BCL7A: variants seen among roughly 807,000 people sequenced by gnomAD.
BCL7A encodes the protein BAF chromatin remodeling complex subunit BCL7A, also known as B-cell CLL/lymphoma 7 protein family member A.
In BCL7A, 11 loss-of-function variants were observed where a neutral mutation model predicts 28.4. That is an observed-to-expected ratio of 0.39 (90% CI 0.24 to 0.64). The LOEUF (loss-of-function observed/expected upper bound fraction) is 0.64, where lower values mean the gene tolerates loss of function less well. Ranked by LOEUF, BCL7A falls within the 30% of genes least tolerant of loss-of-function variation. The probability of loss-of-function intolerance (pLI) is 0.50; values close to 1 mark genes in which losing one functional copy is unlikely to be tolerated. For missense variants in BCL7A, 222 were observed against 274.8 expected, an observed-to-expected ratio of 0.81 and a Z score of 1.36; for synonymous variants, 123 against 103.3, an observed-to-expected ratio of 1.19 and a Z score of -1.15.
At chr12:122,044,140 G>C in intron 4 of BCL7A, 87 bp downstream of exon 4, 3 of 1,452,300 alleles carry the variant, frequency 2.1e-6, no homozygotes, top group Non-Finnish European at 2.8e-6. Context: ...AGGAGGCCCT[G>C]TCATGTGCCA....
intron 1 of BCL7A, among the ~76,000 whole-genome samples, chr12:122,026,063 A>G (rs1197874298): frequency 6.6e-6 from 1 of 151,586 alleles, no homozygotes; most frequent in Non-Finnish European, 1.5e-5. Context: ...AGGTCAGGAG[A>G]TCGAGACCAT....
chr12:122,025,374 T>A (rs1883600499), intron 1 of BCL7A, among the ~76,000 whole-genome samples: 1 of 151,442 alleles, frequency 6.6e-6, no homozygotes, highest in Admixed American at 6.6e-5. Flanking sequence ...GCCTGTAATT[T>A]CAGCACTCTG....
rs1489507872 is a variant in BCL7A, at chr12:122,022,152, G to A, written c.61G>A (p.Val21Ile). 1 of 1,573,924 alleles carries A rather than the reference G, an allele frequency of 6.4e-7. No homozygotes were observed. Among genetic ancestry groups the A allele is most frequent in the Non-Finnish European group, 8.6e-7 (1 of 1,159,482 alleles). ...CCGGGCCAAAGATGATATCAAGAGG[G>A]TCATGGCGGCGATCGAGAAAGTGCG... ...RSRAKDDIKR[V>I]MAAIEKVRKW... The change falls in exon 1 of 6, where the codon GTC becomes ATC. Residue 21 changes from valine (V) to isoleucine (I), a missense_variant. By Grantham distance (29) the Val-to-Ile change is conservative. Transcript: ENST00000261822.
Position 122,059,895 on chromosome 12 carries a change from C to T in BCL7A, c.*732C>T. 1 of 232,588 alleles carries T rather than the reference C, an allele frequency of 4.3e-6. No homozygotes were observed. Among genetic ancestry groups the T allele is most frequent in the East Asian group, 6.1e-5 (1 of 16,494 alleles). 14.4% of individuals were successfully genotyped at this position (232,588 alleles called of 1,614,324 possible). A position where few individuals can be genotyped will look rare whatever the true frequency, so the allele number is the denominator to read the frequency against. ...AGGCTGGGCACTCGCTGTGCTCTCC[C>T]CTCCTTGGGGCGTTTAGGACTGGGC... On this transcript the variant is annotated 3_prime_UTR_variant, in exon 6 of 6. Transcript: ENST00000261822. This position sits in a 1 kb window ranked among gnomAD's most constrained non-coding sequence, Gnocchi z 4.0.
intron 5 of BCL7A, 69 bp downstream of exon 5, chr12:122,054,995 T>C (rs756445428): frequency 4.3e-6 from 7 of 1,612,626 alleles, no homozygotes; most frequent in South Asian, 1.1e-5. Flanking sequence ...CGGGGGTACG[T>C]TGAAAGGTGT....
rs1340630883 is a variant in BCL7A, at chr12:122,021,959, A to AGTGTGTGTGCGAGT, written c.-126_-125insTGCGAGTGTGTGTG. The AGTGTGTGTGCGAGT allele has an allele frequency of 1.9e-6, 1 of 536,246 alleles. No individual in the cohort carries two copies. Among genetic ancestry groups the AGTGTGTGTGCGAGT allele is most frequent in the Non-Finnish European group, 3.2e-6 (1 of 308,606 alleles). 33.2% of individuals were successfully genotyped at this position (536,246 alleles called of 1,614,324 possible). The stretch of plus-strand genomic sequence containing the variant: ...GTGTGTGTGTGTGTGTGTGTGTGTG[A>AGTGTGTGTGCGAGT]GTGTGTGCGTGTGAGAGTGCGAGTG... On this transcript the variant is annotated 5_prime_UTR_variant, in exon 1 of 6. Transcript: ENST00000261822.
At chr12:122,023,927 G>A (rs757940867) in intron 1 of BCL7A, among the ~76,000 whole-genome samples, 3 of 152,156 alleles carry the variant, frequency 2.0e-5, no homozygotes, top group Non-Finnish European at 2.9e-5. Context: ...CCGGCAAGCC[G>A]CCTTTCTCTG....
chr12:122,032,771 T>G (rs1048723239), intron 2 of BCL7A, among the ~76,000 whole-genome samples: 2 of 152,318 alleles, frequency 1.3e-5, no homozygotes, highest in South Asian at 2.1e-4. Flanking sequence ...CTTAGCACTG[T>G]GCCGGCTGTG....
chr12:122,036,915 C>G (rs1883868337), intron 3 of BCL7A, among the ~76,000 whole-genome samples: 1 of 152,206 alleles, frequency 6.6e-6, no homozygotes, highest in Admixed American at 6.5e-5. Context: ...CACCATGTTG[C>G]CCAGGCTGGT....
chr12:122,044,733 G>C (rs1884036509), intron 4 of BCL7A, among the ~76,000 whole-genome samples: 1 of 151,950 alleles, frequency 6.6e-6, no homozygotes, highest in Non-Finnish European at 1.5e-5. Context: ...GGCTGAGGCG[G>C]GAGTATCCCT....
At chr12:122,026,419 G>A (rs949955622) in intron 1 of BCL7A, among the ~76,000 whole-genome samples, 2 of 152,174 alleles carry the variant, frequency 1.3e-5, no homozygotes, top group Non-Finnish European at 2.9e-5. Flanking sequence ...CTCTAGCCTG[G>A]GTGACAGGGT....
chr12:122,022,937 A>G (rs1883503761), intron 1 of BCL7A, among the ~76,000 whole-genome samples: 1 of 152,230 alleles, frequency 6.6e-6, no homozygotes, highest in South Asian at 2.1e-4. Context: ...GTTTTTGGCC[A>G]GAAGCCGTTC....
At chr12:122,056,864 C>G (rs994822624) in intron 5 of BCL7A, among the ~76,000 whole-genome samples, 1 of 152,112 alleles carries the variant, frequency 6.6e-6, no homozygotes, top group East Asian at 1.9e-4. Flanking sequence ...TCCTGACTCC[C>G]TGCGATCCCT....
chr12:122,048,216 T>TC (rs1358449640), intron 4 of BCL7A, among the ~76,000 whole-genome samples: 1 of 149,700 alleles, frequency 6.7e-6, no homozygotes, highest in African/African-American at 2.4e-5. Context: ...GAAAGCTATT[T>TC]TTTTTTTTTA....
In BCL7A at chr12:122,031,193, A is replaced by AT. The variant is rs1313312567; in HGVS notation, c.174+418dup. Among the ~76,000 whole-genome samples, 9 of 152,038 alleles carry AT rather than the reference A, an allele frequency of 5.9e-5. No homozygotes were observed. The East Asian group carries it at 1.5e-3, about 26-fold the overall frequency. On this transcript the variant is annotated intron_variant, in intron 2 of 5. Transcript: ENST00000261822. The stretch of plus-strand genomic sequence containing the variant: ...AGGTGCACACCACCACACCCAGCCA[A>AT]TTTTTTCGTATTTTTAGTAGAGACG...
At chr12:122,052,873 G>T (rs1479040950) in intron 4 of BCL7A, among the ~76,000 whole-genome samples, 28 of 137,434 alleles carry the variant, frequency 2.0e-4, no homozygotes, top group East Asian at 2.2e-4. Context: ...TTAGTCGGGG[G>T]GGGGGGGGGG....
intron 5 of BCL7A, among the ~76,000 whole-genome samples, chr12:122,058,683 G>C (rs1362206411): frequency 6.6e-6 from 1 of 152,092 alleles, no homozygotes; most frequent in Non-Finnish European, 1.5e-5. Flanking sequence ...AACTTGGAAA[G>C]GTGAACTTGA....
At position 122,022,051 on chromosome 12, in the gene BCL7A, C is replaced by G. The variant is rs1490310530; in HGVS notation, c.-41C>G. 3 of 1,515,466 alleles carry G rather than the reference C, an allele frequency of 2.0e-6. No homozygotes were observed. Among genetic ancestry groups the G allele is most frequent in the East Asian group, 2.5e-5 (1 of 39,792 alleles). 93.9% of individuals were successfully genotyped at this position (1,515,466 alleles called of 1,614,324 possible). A position where few individuals can be genotyped will look rare whatever the true frequency, so the allele number is the denominator to read the frequency against. ...GCCGCCGCGGAGCGCGAGCAGGACCCGGCGGGCGCGCTCCCCAGCCTCCGT... is the reference window on the plus strand; with the variant it reads ...GCCGCCGCGGAGCGCGAGCAGGACCGGGCGGGCGCGCTCCCCAGCCTCCGT... On this transcript the variant is annotated 5_prime_UTR_variant, in exon 1 of 6. Coordinates refer to ENST00000261822, the MANE Select transcript of BCL7A (RefSeq NM_001024808.3).
At chr12:122,050,357 A>C (rs1015748246) in intron 4 of BCL7A, among the ~76,000 whole-genome samples, 5 of 152,102 alleles carry the variant, frequency 3.3e-5, no homozygotes, top group Admixed American at 2.0e-4. Context: ...GCCTCCACCA[A>C]AATGTTTCCA....
Sources: gnomAD v4.1 joint callset for allele counts (sites outside exome capture counted in the v4.1 genomes callset) on GRCh38, gnomAD v4.1.1 for gene constraint, Gnocchi (gnomAD v3.1) non-coding constraint, MANE v1.5 for transcripts, NCBI Gene and HGNC (gene_info 2026-07-23, HGNC 2026-07-21) for gene names.